The following KIF26B variants were observed in gnomAD, a reference collection of about 807,000 sequenced individuals.
KIF26B encodes kinesin-like protein KIF26B.
A neutral mutation model predicts 151.2 loss-of-function variants in KIF26B; 63 were observed. The ratio of observed to expected loss-of-function variants is 0.42; its 90% CI spans 0.34 to 0.51. The LOEUF (loss-of-function observed/expected upper bound fraction) is 0.51. Among genes scored for constraint, KIF26B ranks in the 20% least tolerant of loss-of-function variants. The pLI is 0.07. For missense variants in KIF26B, 2,813 were observed against 2,913.6 expected (o/e 0.97, Z 0.79); for synonymous variants, 1,357 against 1,262.1 (o/e 1.08, Z -1.59).
intron 5 of KIF26B, among the ~76,000 whole-genome samples, chr1:245,591,072 T>C (rs998992047): frequency 7.9e-5 from 12 of 152,322 alleles, no homozygotes; most frequent in Non-Finnish European, 1.0e-4. Flanking sequence ...GAATGGGCTC[T>C]TACAACACTG....
intron 10 of KIF26B, among the ~76,000 whole-genome samples, chr1:245,677,262 T>C (rs1351228603): frequency 1.3e-5 from 2 of 152,120 alleles, no homozygotes; most frequent in Non-Finnish European, 2.9e-5. Context: ...CAACTAATCA[T>C]CGTGTACACT....
chr1:245,421,432 G>A lies in KIF26B; in HGVS notation c.1166+1687G>A, dbSNP rs115986217. Among the ~76,000 whole-genome samples, 1,263 of 152,172 alleles carry A rather than the reference G, an allele frequency of 8.3e-3. 23 individuals carry two copies. The highest frequency in any genetic ancestry group is 0.029 in the African/African-American group (1,208 of 41,506). On this transcript the variant is annotated intron_variant, in intron 4 of 14. Transcript: ENST00000407071. ...AAGGCTAAATAACGAGGGAGGAGAC[G>A]GACCTCCCAGCTCAGAATGAAGAAC... is the stretch of plus-strand genomic sequence containing the variant.
intron 2 of KIF26B, among the ~76,000 whole-genome samples, chr1:245,291,832 G>C (rs924427653): frequency 6.6e-6 from 1 of 152,142 alleles, no homozygotes; most frequent in Non-Finnish European, 1.5e-5. Flanking sequence ...GAGACGGTAC[G>C]GTGGAGCACT....
At chr1:245,471,146 T>TATATATATATATATATATATA (rs1558179431) in intron 4 of KIF26B, among the ~76,000 whole-genome samples, 3 of 151,702 alleles carry the variant, frequency 2.0e-5, no homozygotes, top group African/African-American at 7.3e-5. Flanking sequence ...TATATATATA[T>TATATATATATATATATATATA]TTGAGAAGGA....
At chr1:245,477,326 G>T (rs1410970241) in intron 4 of KIF26B, among the ~76,000 whole-genome samples, 1 of 149,872 alleles carries the variant, frequency 6.7e-6, no homozygotes, top group African/African-American at 2.4e-5. Flanking sequence ...TGCACTGTGT[G>T]CCGGGCACTG....
intron 2 of KIF26B, among the ~76,000 whole-genome samples, chr1:245,237,524 C>G (rs1194752931): frequency 1.3e-5 from 2 of 152,042 alleles, no homozygotes; most frequent in Non-Finnish European, 2.9e-5. Context: ...AAAACCGTAC[C>G]CTGGTGGATG....
At chr1:245,447,743 A>C (rs978637600) in intron 4 of KIF26B, among the ~76,000 whole-genome samples, 6 of 152,190 alleles carry the variant, frequency 3.9e-5, no homozygotes, top group African/African-American at 1.4e-4. Flanking sequence ...TTTCCGTGGC[A>C]GTGACCCCAC....
At chr1:245,610,562 G>A (rs2043508835) in intron 8 of KIF26B, among the ~76,000 whole-genome samples, 1 of 152,192 alleles carries the variant, frequency 6.6e-6, no homozygotes, top group Non-Finnish European at 1.5e-5. Context: ...TATCTACACA[G>A]TGTCTGTGAT....
intron 4 of KIF26B, among the ~76,000 whole-genome samples, chr1:245,511,988 A>T (rs867040083): frequency 2.4e-5 from 3 of 126,320 alleles, no homozygotes; most frequent in South Asian, 6.4e-4. Flanking sequence ...AGAGTAACAT[A>T]AGCTTTCTTG....
intron 3 of KIF26B, among the ~76,000 whole-genome samples, chr1:245,419,356 GA>G (rs1450796984): frequency 6.6e-6 from 1 of 152,158 alleles, no homozygotes; most frequent in Non-Finnish European, 1.5e-5. Flanking sequence ...AATGTCGGGG[GA>G]TAATTTTATA....
At chr1:245,373,299 C>G (rs779502049) in intron 3 of KIF26B, among the ~76,000 whole-genome samples, 3 of 152,142 alleles carry the variant, frequency 2.0e-5, no homozygotes, top group Non-Finnish European at 4.4e-5. Flanking sequence ...TATCTAGAAC[C>G]CAAGGATTTA....
At chr1:245,627,381 A>G (rs983268077) in intron 9 of KIF26B, among the ~76,000 whole-genome samples, 8 of 152,164 alleles carry the variant, frequency 5.3e-5, no homozygotes, top group Admixed American at 4.6e-4. Flanking sequence ...ATGGAAATTG[A>G]ACAACCTGCT....
chr1:245,223,135 G>A (rs559245334), intron 2 of KIF26B, among the ~76,000 whole-genome samples: 4 of 152,242 alleles, frequency 2.6e-5, no homozygotes, highest in South Asian at 2.1e-4. Flanking sequence ...GGCCAGGGAC[G>A]CTGGTCACAG....
chr1:245,611,576 A>T (rs2043521706), intron 8 of KIF26B, among the ~76,000 whole-genome samples: 1 of 152,268 alleles, frequency 6.6e-6, no homozygotes, highest in East Asian at 1.9e-4. Context: ...TCATCCAATA[A>T]GTATGCTCAA....
At chr1:245,497,766 C>G (rs576799514) in intron 4 of KIF26B, among the ~76,000 whole-genome samples, 1 of 152,268 alleles carries the variant, frequency 6.6e-6, no homozygotes, top group East Asian at 1.9e-4. Context: ...TATTTTAAGA[C>G]AGAATCTTGC....
intron 2 of KIF26B, among the ~76,000 whole-genome samples, chr1:245,267,638 A>G (rs1320075537): frequency 2.0e-4 from 5 of 24,984 alleles, no homozygotes; most frequent in East Asian, 2.1e-3. Flanking sequence ...AGTAATGCAC[A>G]CACACACACA....
chr1:245,210,044 G>A (rs2103542958), intron 2 of KIF26B, among the ~76,000 whole-genome samples: 1 of 152,342 alleles, frequency 6.6e-6, no homozygotes, highest in East Asian at 1.9e-4. Context: ...AAAATCCAGA[G>A]GCCAGGAAGG....
Position 245,345,931 on chromosome 1 carries a change from C to CTTT in KIF26B, c.466-20902_466-20900dup, listed in dbSNP as rs371687031. 2.2e-3 allele frequency among the ~76,000 whole-genome samples: 307 copies of CTTT among 139,392 alleles called. 3 individuals carry two copies. The highest frequency in any genetic ancestry group is 8.5e-3 in the African/African-American group (276 of 32,576). 91.4% of individuals were successfully genotyped at this position (139,392 alleles called of 152,430 possible). A position where few individuals can be genotyped will look rare whatever the true frequency, so the allele number is the denominator to read the frequency against. Reference sequence around the variant, plus strand: ...CTCAGGTATTTCTTTTTCTTTCTTTCTTTCTTTTTTTTTTTTTTTGAGACA... The same window carrying CTTT: ...CTCAGGTATTTCTTTTTCTTTCTTTCTTTTTTCTTTTTTTTTTTTTTTGAGACA... On this transcript the variant is annotated intron_variant, in intron 2 of 14. Coordinates refer to ENST00000407071, the MANE Select transcript of KIF26B (RefSeq NM_018012.4).
rs770904240 is a variant in KIF26B at position 245,687,452 on chromosome 1, T to TCAG, written c.4480_4482dup (p.Ser1494dup). On this transcript the variant is annotated inframe_insertion, in exon 12 of 15. Coordinates refer to ENST00000407071, the MANE Select transcript of KIF26B (RefSeq NM_018012.4). The surrounding 1 kb of genome is among the most constrained non-coding windows in gnomAD (Gnocchi z 4.9). ...GGAAAGCCCAGTCCGGGAGACAGGC[T>TCAG]CAGCAGCAGCAGCGGAGAGGTGTCG... The TCAG allele has an allele frequency of 1.4e-4, 222 of 1,588,822 alleles. No homozygotes were observed. The highest frequency in any genetic ancestry group is 1.8e-4 in the Non-Finnish European group (207 of 1,168,070).
Sources: allele counts gnomAD v4.1 joint callset (sites outside exome capture counted in the v4.1 genomes callset), GRCh38; gene constraint gnomAD v4.1.1; non-coding constraint Gnocchi (gnomAD v3.1); transcripts MANE v1.5; gene names NCBI Gene and HGNC (gene_info 2026-07-23, HGNC 2026-07-21).